The following CHRDL1 variants were observed in gnomAD, a reference collection of about 807,000 sequenced individuals.
The protein encoded by CHRDL1 is chordin like 1, also known as chordin-like protein 1.
CHRDL1 carries 19 observed loss-of-function variants against 40.9 expected under a neutral mutation model. That is an observed-to-expected ratio of 0.46 (90% CI 0.32 to 0.68). The LOEUF is 0.68. Among genes scored for constraint, CHRDL1 ranks in the 30% least tolerant of loss-of-function variants. The pLI is 0.03. For missense variants in CHRDL1, 329 were observed against 352.1 expected, an observed-to-expected ratio of 0.93 and a Z score of 0.53; for synonymous variants, 136 against 123.4, an observed-to-expected ratio of 1.10 and a Z score of -0.68.
intron 3 of CHRDL1, among the ~76,000 whole-genome samples, chrX:110,760,242 T>G (rs1208652921): frequency 8.9e-6 from 1 of 112,165 alleles, no homozygotes; most frequent in Admixed American, 9.4e-5. Context: ...AAGTGATTCT[T>G]CTCATTTCCT....
chrX:110,771,201 T>C (rs2089753315), intron 2 of CHRDL1, among the ~76,000 whole-genome samples: 1 of 110,741 alleles, frequency 9.0e-6, no homozygotes, highest in African/African-American at 3.3e-5. Flanking sequence ...TAAAGGAATT[T>C]AAATTGTAGT....
intron 8 of CHRDL1, among the ~76,000 whole-genome samples, chrX:110,689,933 ATATATATCTATATATCTATATATATC>A (rs2070218441): frequency 2.6e-5 from 1 of 38,260 alleles, no homozygotes; most frequent in Non-Finnish European, 4.1e-5. Context: ...CTATATATCT[ATATATATCTATATATCTATATATATC>A]TATATATCTA....
intron 6 of CHRDL1, among the ~76,000 whole-genome samples, chrX:110,718,338 A>G (rs1280555709): frequency 1.8e-5 from 2 of 112,204 alleles, no homozygotes; most frequent in Admixed American, 9.5e-5. Flanking sequence ...TAGTCTGGAA[A>G]TAATAGCCAG....
At chrX:110,683,850 T>C (rs772396049) in intron 9 of CHRDL1, among the ~76,000 whole-genome samples, 2 of 111,634 alleles carry the variant, frequency 1.8e-5, no homozygotes, top group South Asian at 3.8e-4. Context: ...GAAAATGCTA[T>C]ATAAACTGCA....
In CHRDL1 at chrX:110,704,594, T is replaced by C. The variant is rs189796036; in HGVS notation, c.542-3873A>G. ...AAACTGATAAGACCCTGAAGGAAGATTTGATGATGGGGAAGGAAGGCAAAG... is the reference window on the plus strand; with the variant it reads ...AAACTGATAAGACCCTGAAGGAAGACTTGATGATGGGGAAGGAAGGCAAAG... On this transcript the variant is annotated intron_variant, in intron 6 of 11. Transcript: ENST00000372042. 3.1e-3 allele frequency among the ~76,000 whole-genome samples: 343 copies of C among 110,914 alleles called. 3 individuals carry two copies. Among genetic ancestry groups the C allele is most frequent in the African/African-American group, 0.011 (325 of 30,473 alleles).
intron 7 of CHRDL1, among the ~76,000 whole-genome samples, chrX:110,695,241 G>A (rs1030659800): frequency 9.0e-6 from 1 of 111,666 alleles, no homozygotes; most frequent in African/African-American, 3.3e-5. Context: ...AGAATTGATA[G>A]TACATGACAG....
chrX:110,790,616 C>T (rs975676480), intron 2 of CHRDL1, among the ~76,000 whole-genome samples: 2 of 109,768 alleles, frequency 1.8e-5, no homozygotes, highest in Admixed American at 9.8e-5. Flanking sequence ...ATGGATATAT[C>T]GCATAAAGTG....
chrX:110,713,165 C>T (rs1202153206), intron 6 of CHRDL1, among the ~76,000 whole-genome samples: 1 of 111,361 alleles, frequency 9.0e-6, no homozygotes, highest in African/African-American at 3.3e-5. Context: ...AGGTCAACCC[C>T]TCTCAATTAT....
chrX:110,749,770 T>C (rs2089324078), intron 4 of CHRDL1, among the ~76,000 whole-genome samples: 2 of 111,985 alleles, frequency 1.8e-5, no homozygotes, highest in African/African-American at 3.2e-5. Context: ...TTGCTTATCT[T>C]AGTGGCTGCA....
chrX:110,737,957 A>G (rs1052923365), intron 4 of CHRDL1, among the ~76,000 whole-genome samples: 1 of 112,112 alleles, frequency 8.9e-6, no homozygotes, highest in African/African-American at 3.2e-5. Flanking sequence ...GTACTCTGGC[A>G]TCTAGTGGGT....
chrX:110,688,729 C>A lies in CHRDL1; in HGVS notation c.853G>T (p.Glu285Ter). 1 of 1,209,983 alleles carries A rather than the reference C, an allele frequency of 8.3e-7. No homozygotes were observed. The highest frequency in any genetic ancestry group is 1.1e-6 in the Non-Finnish European group (1 of 894,524). Reference sequence around the variant, plus strand: ...ACATTACAAGTACATAGCACACACTCCACAATGCCAAATGCCCGGAGGTTT... The same window carrying A: ...ACATTACAAGTACATAGCACACACTACACAATGCCAAATGCCCGGAGGTTT... ...HPNLRAFGIV[E>*]CVLCTCNVTK... is the part of the protein sequence containing the mutation. Residue 285 changes from glutamate (E) to a stop codon, truncating the protein, a stop_gained, in exon 9 of 12, where the codon GAG (glutamate) becomes TAG (stop). Coordinates refer to ENST00000372042, the MANE Select transcript of CHRDL1 (RefSeq NM_001143981.2). LOFTEE classifies it high-confidence loss of function.
At chrX:110,717,223 T>C (rs1385245503) in intron 6 of CHRDL1, among the ~76,000 whole-genome samples, 2 of 111,593 alleles carry the variant, frequency 1.8e-5, no homozygotes, top group African/African-American at 3.3e-5. Context: ...TCAGAATCTC[T>C]GCAGGTGTGA....
At chrX:110,678,084 C>A (rs1432354831) in intron 11 of CHRDL1, among the ~76,000 whole-genome samples, 2 of 111,140 alleles carry the variant, frequency 1.8e-5, no homozygotes, top group Non-Finnish European at 3.8e-5. Context: ...CAGCGAGGAC[C>A]TCTTTCTAAA....
rs200722084 is a variant in CHRDL1 at position 110,709,373 on chromosome X, TCAAA to T, written c.542-8656_542-8653del. ...TATTTAACAAAGAAAAGGGCTTGGA[TCAAA>T]CAAACAAACAAACAAACAAGCAAAC... On this transcript the variant is annotated intron_variant, in intron 6 of 11. Transcript: ENST00000372042. Among the ~76,000 whole-genome samples, 223 of 111,545 alleles carry T rather than the reference TCAAA, an allele frequency of 2.0e-3. 3 individuals carry two copies. The highest frequency in any genetic ancestry group is 6.7e-3 in the African/African-American group (205 of 30,690).
intron 4 of CHRDL1, among the ~76,000 whole-genome samples, chrX:110,745,350 T>C (rs1300626319): frequency 1.8e-5 from 2 of 111,591 alleles, no homozygotes; most frequent in Non-Finnish European, 3.8e-5. Context: ...CTCCCTACTT[T>C]TGCAGTGGGC....
At chrX:110,763,181 G>A (rs1217943190) in intron 2 of CHRDL1, among the ~76,000 whole-genome samples, 1 of 110,630 alleles carries the variant, frequency 9.0e-6, no homozygotes, top group Non-Finnish European at 1.9e-5. Context: ...GGTTACATGA[G>A]TAAGTTCTTT....
At chrX:110,713,251 G>A (rs1460112089) in intron 6 of CHRDL1, among the ~76,000 whole-genome samples, 1 of 111,747 alleles carries the variant, frequency 8.9e-6, no homozygotes, top group African/African-American at 3.3e-5. Context: ...ATGACGTGGT[G>A]TCTATCTTCC....
chrX:110,715,366 C>T (rs181722350), intron 6 of CHRDL1, among the ~76,000 whole-genome samples: 3 of 110,996 alleles, frequency 2.7e-5, no homozygotes, highest in East Asian at 5.6e-4. Flanking sequence ...ATACTTAACT[C>T]GGGGGTAATA....
chrX:110,778,454 A>G (rs1312528755), intron 2 of CHRDL1, among the ~76,000 whole-genome samples: 1 of 112,204 alleles, frequency 8.9e-6, no homozygotes, highest in African/African-American at 3.2e-5. Flanking sequence ...GGACATGAAT[A>G]GACACTTTTC....
Sources: allele counts gnomAD v4.1 joint callset (sites outside exome capture counted in the v4.1 genomes callset), GRCh38; gene constraint gnomAD v4.1.1; transcripts MANE v1.5; gene names NCBI Gene and HGNC (gene_info 2026-07-23, HGNC 2026-07-21).